The following COL9A1 variants were observed in gnomAD, a reference collection of about 807,000 sequenced individuals.
COL9A1 encodes collagen alpha-1(IX) chain.
A neutral mutation model predicts 142.6 loss-of-function variants in COL9A1; 104 were observed. The ratio of observed to expected loss-of-function variants is 0.73; its 90% CI spans 0.62 to 0.86. COL9A1 has a LOEUF of 0.86. Among genes scored for constraint, COL9A1 ranks in the 40% least tolerant of loss-of-function variants. COL9A1 has a pLI of 0.00. For missense variants in COL9A1, 1,210 were observed against 1,176.6 expected (o/e 1.03, Z -0.42); for synonymous variants, 466 against 396.0 (o/e 1.18, Z -2.10).
chr6:70,224,708 A>G (rs1021346292), intron 37 of COL9A1, among the ~76,000 whole-genome samples: 3 of 152,208 alleles, frequency 2.0e-5, no homozygotes, highest in East Asian at 1.9e-4. Flanking sequence ...ACACCCATCA[A>G]TGAATCCAAG....
At chr6:70,218,150 A>G (rs1180041938) in intron 37 of COL9A1, among the ~76,000 whole-genome samples, 1 of 152,212 alleles carries the variant, frequency 6.6e-6, no homozygotes, top group Non-Finnish European at 1.5e-5. Flanking sequence ...CTTAAAAATA[A>G]TAATAATAAT....
chr6:70,253,743 G>A (rs1437323374), intron 25 of COL9A1, among the ~76,000 whole-genome samples: 2 of 152,154 alleles, frequency 1.3e-5, no homozygotes, highest in Non-Finnish European at 2.9e-5. Flanking sequence ...CAGGTCAAGA[G>A]GAGCTCTACT....
intron 29 of COL9A1, chr6:70,242,298 C>T (rs778350245): frequency 1.4e-5 from 8 of 584,226 alleles, no homozygotes; most frequent in Admixed American, 2.8e-5. Flanking sequence ...GTCAAGCCCC[C>T]GCCACCCCCG....
At chr6:70,286,177 C>T (rs964164242) in intron 5 of COL9A1, among the ~76,000 whole-genome samples, 5 of 152,080 alleles carry the variant, frequency 3.3e-5, no homozygotes, top group Non-Finnish European at 4.4e-5. Context: ...TGTGAGCCAC[C>T]GAATCTGGCC....
chr6:70,216,650 T>G lies in COL9A1; in HGVS notation c.*247A>C. The G allele has an allele frequency of 2.2e-5, 11 of 510,088 alleles. No individual in the cohort carries two copies. The highest frequency in any genetic ancestry group is 6.8e-5 in the East Asian group (2 of 29,352). 31.6% of individuals were successfully genotyped at this position (510,088 alleles called of 1,614,324 possible). A position where few individuals can be genotyped will look rare whatever the true frequency, so the allele number is the denominator to read the frequency against. On this transcript the variant is annotated 3_prime_UTR_variant, in exon 38 of 38. Transcript: ENST00000357250. ...AAATTTATTCAAGGGAGGTGTTTGGTTTTCTTTTTTTTTTTTTAACTGATG... is the reference window on the plus strand; with the variant it reads ...AAATTTATTCAAGGGAGGTGTTTGGGTTTCTTTTTTTTTTTTTAACTGATG...
intron 1 of COL9A1, among the ~76,000 whole-genome samples, chr6:70,302,516 T>C (rs928905444): frequency 6.6e-6 from 1 of 152,102 alleles, no homozygotes; most frequent in African/African-American, 2.4e-5. Flanking sequence ...CCTTCATTTT[T>C]ACTTTGAAAC....
At chr6:70,253,286 A>G in intron 26 of COL9A1, 99 bp downstream of exon 26, 1 of 854,200 alleles carries the variant, frequency 1.2e-6, no homozygotes, top group Admixed American at 2.2e-5. Context: ...GGCCAAATAT[A>G]AAATAAAACA....
intron 19 of COL9A1, among the ~76,000 whole-genome samples, chr6:70,262,386 T>C (rs2127582627): frequency 6.6e-6 from 1 of 152,286 alleles, no homozygotes; most frequent in South Asian, 2.1e-4. Context: ...TAATTTCCCT[T>C]ACACTTTAAA....
intron 37 of COL9A1, among the ~76,000 whole-genome samples, chr6:70,222,221 A>G (rs1411302142): frequency 2.0e-5 from 3 of 152,242 alleles, no homozygotes; most frequent in African/African-American, 7.2e-5. Flanking sequence ...AAATAATGTC[A>G]GAGTGTCTGT....
At chr6:70,224,083 G>A (rs1298009217) in intron 37 of COL9A1, among the ~76,000 whole-genome samples, 2 of 152,176 alleles carry the variant, frequency 1.3e-5, no homozygotes, top group African/African-American at 2.4e-5. Flanking sequence ...CCTGGATCAG[G>A]GGGTCCACAA....
chr6:70,231,100 A>T (rs536295289), intron 36 of COL9A1, among the ~76,000 whole-genome samples: 40 of 152,258 alleles, frequency 2.6e-4, no homozygotes, highest in Non-Finnish European at 1.0e-4. Flanking sequence ...TCGACCCCAG[A>T]GTTTCTGATT....
At chr6:70,260,529 C>G in intron 20 of COL9A1, 128 bp downstream of exon 20, 1 of 729,140 alleles carries the variant, frequency 1.4e-6, no homozygotes, top group Non-Finnish European at 2.1e-6. Flanking sequence ...GCCTGGGCAA[C>G]AAGAGTGAAA....
chr6:70,280,682 G>T, intron 10 of COL9A1, 130 bp downstream of exon 10: 1 of 1,356,098 alleles, frequency 7.4e-7, no homozygotes, highest in Non-Finnish European at 1.0e-6. Flanking sequence ...CTGGCAGGAG[G>T]CCAAGTTTAG....
intron 18 of COL9A1, among the ~76,000 whole-genome samples, chr6:70,265,130 C>CA (rs1217878786): frequency 2.0e-5 from 3 of 151,516 alleles, no homozygotes; most frequent in East Asian, 1.9e-4. Context: ...CTTGACATGC[C>CA]AAAAAAAATT....
Position 70,216,398 on chromosome 6 carries a change from G to C in COL9A1, c.*499C>G, listed in dbSNP as rs1204147453. The stretch of plus-strand genomic sequence containing the variant: ...CTTATCACTCCAGAGACAGCACATC[G>C]ATGAGATTTTAAGCACCAATTCCAT... On this transcript the variant is annotated 3_prime_UTR_variant, in exon 38 of 38. Coordinates refer to ENST00000357250, the MANE Select transcript of COL9A1 (RefSeq NM_001851.6). The C allele has an allele frequency of 5.9e-6, 1 of 170,524 alleles. No homozygotes were observed. Among genetic ancestry groups the C allele is most frequent in the Non-Finnish European group, 1.3e-5 (1 of 77,894 alleles). 10.6% of individuals were successfully genotyped at this position (170,524 alleles called of 1,614,324 possible).
At chr6:70,246,922 G>T (rs536259048) in intron 28 of COL9A1, among the ~76,000 whole-genome samples, 7 of 152,114 alleles carry the variant, frequency 4.6e-5, no homozygotes, top group Non-Finnish European at 1.0e-4. Context: ...TATAAAGTGG[G>T]AATAAAAATA....
intron 6 of COL9A1, 45 bp downstream of exon 6, chr6:70,283,692 T>C (rs978793688): frequency 2.8e-6 from 4 of 1,448,814 alleles, no homozygotes; most frequent in Non-Finnish European, 3.8e-6. Flanking sequence ...GTGGAGAGGG[T>C]TGAGCTGGGT....
At position 70,267,315 on chromosome 6, in the gene COL9A1, T is replaced by G. The variant is rs116227194; in HGVS notation, c.1288-545A>C. Among the ~76,000 whole-genome samples the G allele has an allele frequency of 6.9e-3, 922 of 133,630 alleles. 10 individuals carry two copies. Among genetic ancestry groups the G allele is most frequent in the African/African-American group, 0.025 (854 of 33,982 alleles). 87.7% of individuals were successfully genotyped at this position (133,630 alleles called of 152,430 possible). A position where few individuals can be genotyped will look rare whatever the true frequency, so the allele number is the denominator to read the frequency against. ...TCTGTACATTTTTTGTTGTTGTTTG[T>G]TTGGTTTTTTTGTTTTTTTTTTTTG... On this transcript the variant is annotated intron_variant, in intron 17 of 37. Transcript: ENST00000357250.
At chr6:70,226,493 T>C (rs548319198) in intron 36 of COL9A1, among the ~76,000 whole-genome samples, 2 of 152,166 alleles carry the variant, frequency 1.3e-5, no homozygotes, top group Admixed American at 1.3e-4. Context: ...TCTAGAAAGT[T>C]AACTCAAAAA....
Sources: allele counts gnomAD v4.1 joint callset (sites outside exome capture counted in the v4.1 genomes callset), GRCh38; gene constraint gnomAD v4.1.1; transcripts MANE v1.5; gene names NCBI Gene and HGNC (gene_info 2026-07-23, HGNC 2026-07-21).